Variants in CAB39L observed in about 807,000 individuals in gnomAD.
The protein encoded by CAB39L is calcium binding protein 39 like, also known as calcium-binding protein 39-like.
CAB39L carries 23 observed loss-of-function variants against 39.1 expected under a neutral mutation model. That is an observed-to-expected ratio of 0.59 (90% confidence interval 0.42 to 0.83). CAB39L has a LOEUF of 0.83. Ranked by LOEUF, CAB39L falls within the 40% of genes least tolerant of loss-of-function variation. The pLI, the probability that CAB39L is intolerant of heterozygous loss-of-function variation, is 0.00. For missense variants in CAB39L, 366 were observed against 391.9 expected, an observed-to-expected ratio of 0.93 and a Z score of 0.56; for synonymous variants, 126 against 137.2, an observed-to-expected ratio of 0.92 and a Z score of 0.57.
intron 3 of CAB39L, among the ~76,000 whole-genome samples, chr13:49,390,566 G>C (rs745637594): frequency 1.3e-5 from 2 of 152,134 alleles, no homozygotes; most frequent in Non-Finnish European, 2.9e-5. Flanking sequence ...AAAATAAATA[G>C]AGCAAACCCT....
At chr13:49,360,054 G>A (rs1955591412) in intron 5 of CAB39L, among the ~76,000 whole-genome samples, 1 of 152,104 alleles carries the variant, frequency 6.6e-6, no homozygotes, top group East Asian at 1.9e-4. Flanking sequence ...GATGTGTGCT[G>A]GGGGAAATTT....
intron 4 of CAB39L, among the ~76,000 whole-genome samples, chr13:49,379,910 T>G (rs1181710155): frequency 1.3e-5 from 2 of 151,842 alleles, no homozygotes; most frequent in African/African-American, 4.8e-5. Context: ...GGCACAATCT[T>G]GGCTCACTGC....
chr13:49,366,744 G>T (rs2138527607), intron 5 of CAB39L, among the ~76,000 whole-genome samples: 1 of 151,914 alleles, frequency 6.6e-6, no homozygotes, highest in Middle Eastern at 3.4e-3. Context: ...TGCCAGGCAT[G>T]GTGGCTCACA....
intron 5 of CAB39L, among the ~76,000 whole-genome samples, chr13:49,369,574 C>G (rs545640048): frequency 6.7e-6 from 1 of 148,282 alleles, no homozygotes; most frequent in South Asian, 2.1e-4. Flanking sequence ...GAGATGATTA[C>G]AAAGAGGCAA....
In CAB39L at chr13:49,313,342, G is replaced by A. The variant is rs990754720; in HGVS notation, c.835-2349C>T. ...TAAAAATACAAAAAATTAGCCAGGC[G>A]TGGTGGCGGGCGCCTGTAGTCCCAG... On this transcript the variant is annotated intron_variant, in intron 10 of 10. Coordinates refer to ENST00000409308, the MANE Select transcript of CAB39L (RefSeq NM_001079670.3). 4.6e-5 allele frequency among the ~76,000 whole-genome samples: 7 copies of A among 152,236 alleles called. No individual in the cohort carries two copies. The East Asian group carries it at 7.7e-4, about 17-fold the overall frequency.
At chr13:49,325,361 T>TA (rs1405221774) in intron 10 of CAB39L, among the ~76,000 whole-genome samples, 1 of 152,268 alleles carries the variant, frequency 6.6e-6, no homozygotes, top group East Asian at 1.9e-4. Context: ...AATATGCTGT[T>TA]ACAATTTTAG....
intron 3 of CAB39L, among the ~76,000 whole-genome samples, chr13:49,418,314 A>G (rs1238565261): frequency 1.3e-5 from 2 of 152,224 alleles, no homozygotes; most frequent in Admixed American, 6.5e-5. Context: ...TTCATATAAA[A>G]TGTCCAGAAT....
chr13:49,438,789 C>T (rs1180599322), intron 1 of CAB39L, among the ~76,000 whole-genome samples: 1 of 152,186 alleles, frequency 6.6e-6, no homozygotes, highest in Non-Finnish European at 1.5e-5. Flanking sequence ...TCCAGGTTTA[C>T]AGTATGCCTT....
chr13:49,374,174 G>A (rs1400793315), intron 5 of CAB39L, among the ~76,000 whole-genome samples: 1 of 152,100 alleles, frequency 6.6e-6, no homozygotes, highest in East Asian at 1.9e-4. Context: ...TTATAATTAT[G>A]TTCTAGGTAT....
intron 3 of CAB39L, 89 bp downstream of exon 3, chr13:49,433,229 C>T: frequency 1.3e-5 from 4 of 317,052 alleles, no homozygotes; most frequent in South Asian, 5.4e-5. Context: ...ATATTTATTC[C>T]TGATACATTT....
chr13:49,388,184 C>T (rs903044418), intron 3 of CAB39L, among the ~76,000 whole-genome samples: 1 of 151,972 alleles, frequency 6.6e-6, no homozygotes, highest in African/African-American at 2.4e-5. Flanking sequence ...AGTGTTATCC[C>T]CTAACAAACA....
In CAB39L at chr13:49,308,800, C is replaced by T. The variant is rs972245244; in HGVS notation, c.*2014G>A. The T allele has an allele frequency of 6.6e-6, 1 of 152,524 alleles. No individual in the cohort carries two copies. Among genetic ancestry groups the T allele is most frequent in the Non-Finnish European group, 1.5e-5 (1 of 68,024 alleles). The allele number at this position is 152,524 out of a possible 1,614,324, so 9.4% of individuals were successfully genotyped here. A position where few individuals can be genotyped will look rare whatever the true frequency, so the allele number is the denominator to read the frequency against. On this transcript the variant is annotated 3_prime_UTR_variant, in exon 11 of 11. Coordinates refer to ENST00000409308, the MANE Select transcript of CAB39L (RefSeq NM_001079670.3). The stretch of plus-strand genomic sequence containing the variant: ...TTGTGCAAAGGGGGAGCTTCCTGCT[C>T]CCCCTTTCACATTAATAACTTACAA...
chr13:49,329,290 C>A (rs1344143498), intron 10 of CAB39L, among the ~76,000 whole-genome samples: 2 of 152,028 alleles, frequency 1.3e-5, no homozygotes, highest in Non-Finnish European at 2.9e-5. Flanking sequence ...CTCTACCACA[C>A]AAATTTTAGA....
intron 3 of CAB39L, among the ~76,000 whole-genome samples, chr13:49,421,734 C>T (rs745485097): frequency 2.6e-5 from 4 of 152,044 alleles, no homozygotes; most frequent in Non-Finnish European, 5.9e-5. Flanking sequence ...TGAACCTCCT[C>T]CTCTACCCAG....
chr13:49,432,296 A>C (rs1476055498), intron 3 of CAB39L, among the ~76,000 whole-genome samples: 1 of 151,624 alleles, frequency 6.6e-6, no homozygotes, highest in Non-Finnish European at 1.5e-5. Flanking sequence ...GCACCACCAT[A>C]CCCAGCTAAT....
chr13:49,407,345 G>A (rs954648212), intron 3 of CAB39L, among the ~76,000 whole-genome samples: 2 of 152,112 alleles, frequency 1.3e-5, no homozygotes, highest in Non-Finnish European at 2.9e-5. Flanking sequence ...ATTGAGTGTT[G>A]TAAGGCTTTG....
At chr13:49,426,463 G>C (rs370640163) in intron 3 of CAB39L, among the ~76,000 whole-genome samples, 1 of 151,968 alleles carries the variant, frequency 6.6e-6, no homozygotes, top group South Asian at 2.1e-4. Flanking sequence ...GTCTCGCTGT[G>C]TTGTCCAGGC....
Position 49,309,675 on chromosome 13 carries a change from C to T in CAB39L, c.*1139G>A, listed in dbSNP as rs1953932640. ...AAGAGGAATTAACACCTCAATCATC[C>T]TAGTCACAAGAGACTATTCAGGACC... is the stretch of plus-strand genomic sequence containing the variant. On this transcript the variant is annotated 3_prime_UTR_variant, in exon 11 of 11. Transcript: ENST00000409308. 1 of 152,188 alleles carries T rather than the reference C, an allele frequency of 6.6e-6. No individual in the cohort carries two copies. The highest frequency in any genetic ancestry group is 1.5e-5 in the Non-Finnish European group (1 of 68,030). The allele number at this position is 152,188 out of a possible 1,614,324, so 9.4% of individuals were successfully genotyped here. A position where few individuals can be genotyped will look rare whatever the true frequency, so the allele number is the denominator to read the frequency against.
intron 3 of CAB39L, among the ~76,000 whole-genome samples, chr13:49,421,985 C>T (rs925421161): frequency 2.0e-5 from 3 of 152,010 alleles, no homozygotes; most frequent in African/African-American, 4.8e-5. Context: ...AAGAGATATA[C>T]CATTTGTTTG....
Sources: gnomAD v4.1 joint callset for allele counts (sites outside exome capture counted in the v4.1 genomes callset) on GRCh38, gnomAD v4.1.1 for gene constraint, MANE v1.5 for transcripts, NCBI Gene and HGNC (gene_info 2026-07-23, HGNC 2026-07-21) for gene names.